RAD18: variants seen among roughly 807,000 people sequenced by gnomAD.
RAD18 encodes RAD18 E3 ubiquitin protein ligase.
In RAD18, 47 loss-of-function variants were observed where a neutral mutation model predicts 60.4. The ratio of observed to expected loss-of-function variants is 0.78; its 90% CI spans 0.62 to 0.99. The LOEUF (loss-of-function observed/expected upper bound fraction) is 0.99. Among genes scored for constraint, RAD18 ranks in the 50% least tolerant of loss-of-function variants. RAD18 has a pLI of 0.00. For missense variants in RAD18, 640 were observed against 593.3 expected (o/e 1.08, Z -0.82); for synonymous variants, 225 against 195.5 (o/e 1.15, Z -1.26).
chr3:8,892,804 TGTTA>T (rs373389334), intron 11 of RAD18, among the ~76,000 whole-genome samples: 64 of 152,184 alleles, frequency 4.2e-4, no homozygotes, highest in African/African-American at 1.4e-3. Context: ...TGACTGGTAA[TGTTA>T]GTTAGAGAAA....
intron 9 of RAD18, among the ~76,000 whole-genome samples, chr3:8,906,715 A>C (rs1369485929): frequency 2.0e-5 from 3 of 149,872 alleles, no homozygotes; most frequent in Non-Finnish European, 3.0e-5. Context: ...TTTTTCATGG[A>C]GGAGAGTAAA....
At chr3:8,896,601 C>A (rs1441660174) in intron 11 of RAD18, among the ~76,000 whole-genome samples, 1 of 152,200 alleles carries the variant, frequency 6.6e-6, no homozygotes, top group Non-Finnish European at 1.5e-5. Flanking sequence ...ACAGAAGCAC[C>A]ATGAGCCTAT....
intron 2 of RAD18, among the ~76,000 whole-genome samples, chr3:8,957,359 G>A (rs937686901): frequency 2.6e-5 from 4 of 151,844 alleles, no homozygotes; most frequent in East Asian, 3.9e-4. Flanking sequence ...AAAATGCAAC[G>A]ATCCTAAAAA....
intron 11 of RAD18, among the ~76,000 whole-genome samples, chr3:8,891,787 G>C (rs1352861867): frequency 6.6e-6 from 1 of 152,182 alleles, no homozygotes; most frequent in Non-Finnish European, 1.5e-5. Flanking sequence ...AGGATTATCT[G>C]CTATATCTGC....
intron 9 of RAD18, among the ~76,000 whole-genome samples, chr3:8,910,136 C>A (rs1239900316): frequency 6.6e-6 from 1 of 152,156 alleles, no homozygotes; most frequent in Non-Finnish European, 1.5e-5. Flanking sequence ...TAGACTGGAA[C>A]AGGACAACAG....
chr3:8,906,309 A>G (rs1217712097), intron 9 of RAD18, among the ~76,000 whole-genome samples: 3 of 152,168 alleles, frequency 2.0e-5, no homozygotes, highest in Non-Finnish European at 4.4e-5. Flanking sequence ...TTTAAATAAC[A>G]AACTTTAAAA....
intron 9 of RAD18, among the ~76,000 whole-genome samples, chr3:8,906,850 G>C (rs1451500940): frequency 6.8e-6 from 1 of 146,694 alleles, no homozygotes; most frequent in Admixed American, 6.8e-5. Flanking sequence ...TGGGTTTATT[G>C]TTAATATTTT....
intron 7 of RAD18, among the ~76,000 whole-genome samples, chr3:8,920,695 C>G (rs1180800273): frequency 6.6e-6 from 1 of 152,142 alleles, no homozygotes; most frequent in Non-Finnish European, 1.5e-5. Context: ...AAGGCATAAT[C>G]TGAATTTTCT....
At chr3:8,944,550 G>C (rs1940808316) in intron 4 of RAD18, among the ~76,000 whole-genome samples, 1 of 148,844 alleles carries the variant, frequency 6.7e-6, no homozygotes, top group Admixed American at 6.7e-5. Flanking sequence ...GGGAGGAAGG[G>C]AAGGAAAGGG....
At chr3:8,946,623 G>A (rs1940843871) in intron 4 of RAD18, among the ~76,000 whole-genome samples, 6 of 152,176 alleles carry the variant, frequency 3.9e-5, no homozygotes, top group Admixed American at 3.9e-4. Context: ...AAGTAAAGTT[G>A]CATATCTGAG....
chr3:8,929,121 T>G (rs1219567552), intron 7 of RAD18, among the ~76,000 whole-genome samples: 1 of 152,058 alleles, frequency 6.6e-6, no homozygotes, highest in East Asian at 1.9e-4. Flanking sequence ...AATCTGTATT[T>G]TAAATACATC....
intron 6 of RAD18, among the ~76,000 whole-genome samples, chr3:8,937,071 C>A (rs921290952): frequency 6.6e-6 from 1 of 152,138 alleles, no homozygotes; most frequent in African/African-American, 2.4e-5. Context: ...AAAAGACCTG[C>A]AAACTCTCAA....
chr3:8,941,462 C>T lies in RAD18; in HGVS notation c.604+5G>A, dbSNP rs1940744774. 1 of 1,579,048 alleles carries T rather than the reference C, an allele frequency of 6.3e-7. No homozygotes were observed. Among genetic ancestry groups the T allele is most frequent in the African/African-American group, 1.4e-5 (1 of 73,720 alleles). ...ATATTTCCACATATGAAAATAACTT[C>T]CTACCTTTAGTAACTTGTTTCAAAG... On this transcript the variant is annotated splice_donor_5th_base_variant and intron_variant, in intron 5 of 12. Transcript: ENST00000264926.
Position 8,941,717 on chromosome 3 carries a change from A to G in RAD18, c.354T>C (p.Thr118=), listed in dbSNP as rs1940750837. Residue 118 remains threonine, a synonymous_variant, in exon 5 of 13, where the codon ACT becomes ACC. Coordinates refer to ENST00000264926, the MANE Select transcript of RAD18 (RefSeq NM_020165.4). ...TTAAAGACTGTCTGGAGGCTACAGG[A>G]GTATATACTTTGACAGCAAGATTCT... ...SSKNLAVKVY[T]PVASRQSLKQ... 1 of 1,614,162 alleles carries G rather than the reference A, an allele frequency of 6.2e-7. No homozygotes were observed. Among genetic ancestry groups the G allele is most frequent in the Non-Finnish European group, 8.5e-7 (1 of 1,179,982 alleles).
intron 7 of RAD18, among the ~76,000 whole-genome samples, chr3:8,923,500 A>T (rs1246425749): frequency 2.6e-5 from 4 of 152,176 alleles, no homozygotes; most frequent in Admixed American, 6.5e-5. Context: ...GCAGGATATT[A>T]TCCAGGAGAA....
At chr3:8,931,312 G>C (rs757013015) in intron 7 of RAD18, among the ~76,000 whole-genome samples, 5 of 152,006 alleles carry the variant, frequency 3.3e-5, no homozygotes, top group Non-Finnish European at 7.4e-5. Flanking sequence ...AAAATACATG[G>C]AACACACACA....
intron 11 of RAD18, among the ~76,000 whole-genome samples, chr3:8,893,590 C>CA (rs1267015903): frequency 6.6e-6 from 1 of 151,744 alleles, no homozygotes; most frequent in Non-Finnish European, 1.5e-5. Flanking sequence ...TTCCAGGTTC[C>CA]AAAAAACTCA....
intron 9 of RAD18, among the ~76,000 whole-genome samples, chr3:8,910,158 G>T (rs1940082494): frequency 1.3e-5 from 2 of 152,174 alleles, no homozygotes; most frequent in Admixed American, 1.3e-4. Context: ...GGCTAGGGGT[G>T]GCCCTAGGAG....
chr3:8,958,746 T>C (rs184170664), intron 2 of RAD18, among the ~76,000 whole-genome samples, 174 bp downstream of exon 2: 26 of 152,328 alleles, frequency 1.7e-4, no homozygotes, highest in African/African-American at 5.5e-4. Context: ...ATAGAAGCCT[T>C]GTAAAAACCT....
Sources: allele counts gnomAD v4.1 joint callset (sites outside exome capture counted in the v4.1 genomes callset), GRCh38; gene constraint gnomAD v4.1.1; transcripts MANE v1.5; gene names NCBI Gene and HGNC (gene_info 2026-07-23, HGNC 2026-07-21).